Variants in HS3ST5 observed in about 807,000 individuals in gnomAD.
The protein encoded by HS3ST5 is heparan sulfate glucosamine 3-O-sulfotransferase 5.
A neutral mutation model predicts 25.4 loss-of-function variants in HS3ST5; 10 were observed. The observed-to-expected ratio is 0.39, with a 90% CI of 0.24 to 0.67. The LOEUF is 0.67. Among genes scored for constraint, HS3ST5 ranks in the 30% least tolerant of loss-of-function variants. The probability of loss-of-function intolerance (pLI) is 0.44; values close to 1 mark genes in which losing one functional copy is unlikely to be tolerated. For synonymous variants in HS3ST5, 170 were observed against 162.4 expected (o/e 1.05, Z -0.36); for missense variants, 324 against 420.7 (o/e 0.77, Z 2.01).
chr6:114,067,157 A>G (rs563547641), intron 3 of HS3ST5, among the ~76,000 whole-genome samples: 1 of 151,992 alleles, frequency 6.6e-6, no homozygotes, highest in South Asian at 2.1e-4. Context: ...GTGTCTTCCT[A>G]GGAAGTGATC....
At chr6:114,312,755 C>T (rs1173074694) in intron 1 of HS3ST5, among the ~76,000 whole-genome samples, 3 of 151,934 alleles carry the variant, frequency 2.0e-5, no homozygotes, top group Non-Finnish European at 2.9e-5. Context: ...CTCAGCCGGC[C>T]GTGGTGGCTC....
intron 1 of HS3ST5, among the ~76,000 whole-genome samples, chr6:114,299,928 TA>T (rs1248281119): frequency 6.6e-6 from 1 of 152,100 alleles, no homozygotes; most frequent in Non-Finnish European, 1.5e-5. Flanking sequence ...ATGATTTCTA[TA>T]AAAAAAGGAC....
chr6:114,103,405 G>A (rs1775827332), intron 3 of HS3ST5, among the ~76,000 whole-genome samples: 1 of 152,030 alleles, frequency 6.6e-6, no homozygotes. Context: ...TAAGAGTAAT[G>A]TGGGTGCAAA....
intron 1 of HS3ST5, among the ~76,000 whole-genome samples, chr6:114,250,795 C>T (rs988419483): frequency 3.3e-5 from 5 of 152,160 alleles, no homozygotes; most frequent in Non-Finnish European, 7.3e-5. Context: ...TCATACTATA[C>T]TTGCTTAGTG....
chr6:114,212,043 G>T (rs1781529875), intron 2 of HS3ST5, among the ~76,000 whole-genome samples: 1 of 152,220 alleles, frequency 6.6e-6, no homozygotes, highest in Admixed American at 6.5e-5. Flanking sequence ...ATGGCTGTGG[G>T]TGTGGTCTAT....
intron 3 of HS3ST5, among the ~76,000 whole-genome samples, chr6:114,074,593 C>A (rs1361700868): frequency 6.6e-6 from 1 of 152,136 alleles, no homozygotes; most frequent in African/African-American, 2.4e-5. Flanking sequence ...GTTTTCAATT[C>A]TGAGACCCCT....
intron 1 of HS3ST5, among the ~76,000 whole-genome samples, chr6:114,336,346 CGCCGGT>C (rs1562279785): frequency 6.6e-6 from 1 of 152,202 alleles, no homozygotes; most frequent in Non-Finnish European, 1.5e-5. Context: ...CAGTGGCTCA[CGCCGGT>C]AATCCCACCA....
At chr6:114,066,035 A>G (rs1773428945) in intron 3 of HS3ST5, among the ~76,000 whole-genome samples, 1 of 152,232 alleles carries the variant, frequency 6.6e-6, no homozygotes, top group Non-Finnish European at 1.5e-5. Context: ...CTTCCAGTCC[A>G]GGATCCAATC....
chr6:114,305,661 A>T (rs1775258011), intron 1 of HS3ST5, among the ~76,000 whole-genome samples: 1 of 152,192 alleles, frequency 6.6e-6, no homozygotes, highest in Non-Finnish European at 1.5e-5. Context: ...GACACTCTTA[A>T]GAAAAGTTGC....
At chr6:114,176,984 C>T (rs946589290) in intron 2 of HS3ST5, among the ~76,000 whole-genome samples, 8 of 152,146 alleles carry the variant, frequency 5.3e-5, no homozygotes, top group Non-Finnish European at 7.3e-5. Flanking sequence ...TGTTTTCAGT[C>T]ATCTGTGCAA....
chr6:114,225,416 T>A (rs993727607), intron 2 of HS3ST5, among the ~76,000 whole-genome samples: 1 of 151,846 alleles, frequency 6.6e-6, no homozygotes, highest in Non-Finnish European at 1.5e-5. Flanking sequence ...AGACTTATCA[T>A]TTTAGGGCCA....
At chr6:114,299,101 C>A (rs931318069) in intron 1 of HS3ST5, among the ~76,000 whole-genome samples, 2 of 152,178 alleles carry the variant, frequency 1.3e-5, no homozygotes, top group African/African-American at 4.8e-5. Context: ...TTGCTGAATT[C>A]TTTTTCTCAG....
chr6:114,185,356 C>A (rs908618630), intron 2 of HS3ST5, among the ~76,000 whole-genome samples: 3 of 152,160 alleles, frequency 2.0e-5, no homozygotes, highest in Non-Finnish European at 2.9e-5. Context: ...TCTCTCCCTC[C>A]TTCTGCCATG....
chr6:114,224,881 T>C (rs1782218621), intron 2 of HS3ST5, among the ~76,000 whole-genome samples: 1 of 151,742 alleles, frequency 6.6e-6, no homozygotes, highest in Non-Finnish European at 1.5e-5. Context: ...ATCAGTTTTT[T>C]TGCAGTAATT....
At chr6:114,257,737 G>A (rs145754082) in intron 1 of HS3ST5, among the ~76,000 whole-genome samples, 1 of 151,694 alleles carries the variant, frequency 6.6e-6, no homozygotes, top group Non-Finnish European at 1.5e-5. Context: ...TCTTCTTCTT[G>A]TTGTTCTTTT....
intron 3 of HS3ST5, among the ~76,000 whole-genome samples, chr6:114,123,518 T>C (rs1776892081): frequency 6.6e-6 from 1 of 152,214 alleles, no homozygotes. Context: ...TCCAATTAAA[T>C]AAAATCCCAA....
At chr6:114,195,534 C>T (rs571214069) in intron 2 of HS3ST5, among the ~76,000 whole-genome samples, 1 of 152,130 alleles carries the variant, frequency 6.6e-6, no homozygotes, top group South Asian at 2.1e-4. Flanking sequence ...ACTAAATACA[C>T]CTGTGTCCAG....
chr6:114,341,660 G>A (rs544228647), intron 1 of HS3ST5, among the ~76,000 whole-genome samples: 2 of 151,710 alleles, frequency 1.3e-5, no homozygotes, highest in East Asian at 3.9e-4. Context: ...GTGTGGGGGG[G>A]GCCAGCTGGG....
intron 1 of HS3ST5, among the ~76,000 whole-genome samples, chr6:114,317,459 C>T (rs767083863): frequency 3.3e-5 from 5 of 152,126 alleles, no homozygotes; most frequent in Non-Finnish European, 7.4e-5. Context: ...AATTCTATAA[C>T]AGTCTTAAAA....
Sources: gnomAD v4.1 joint callset for allele counts (sites outside exome capture counted in the v4.1 genomes callset) on GRCh38, gnomAD v4.1.1 for gene constraint, MANE v1.5 for transcripts, NCBI Gene and HGNC (gene_info 2026-07-23, HGNC 2026-07-21) for gene names.